Variants in GRM7 observed in about 807,000 individuals in gnomAD.
The protein encoded by GRM7 is metabotropic glutamate receptor 7.
A neutral mutation model predicts 84.5 loss-of-function variants in GRM7; 35 were observed. The observed-to-expected ratio is 0.41, with a 90% CI of 0.32 to 0.55. The LOEUF (loss-of-function observed/expected upper bound fraction) is 0.55. GRM7 is among the 20% of genes least tolerant of loss of function. The probability of loss-of-function intolerance (pLI) is 0.19; values close to 1 mark genes in which losing one functional copy is unlikely to be tolerated. For missense variants in GRM7, 1,003 were observed against 1,194.6 expected, an observed-to-expected ratio of 0.84 and a Z score of 2.36; for synonymous variants, 487 against 455.1, an observed-to-expected ratio of 1.07 and a Z score of -0.89.
At chr3:7,335,943 T>A (rs188064886) in intron 4 of GRM7, among the ~76,000 whole-genome samples, 2 of 151,970 alleles carry the variant, frequency 1.3e-5, no homozygotes, top group East Asian at 3.9e-4. Context: ...TAGGACCAGA[T>A]GGATTCACAG....
intron 7 of GRM7, among the ~76,000 whole-genome samples, chr3:7,482,372 G>A (rs1234668481): frequency 6.6e-6 from 1 of 152,046 alleles, no homozygotes; most frequent in African/African-American, 2.4e-5. Context: ...CCTGAAGAAA[G>A]GTACCTACCT....
chr3:7,411,328 A>G (rs1186910211), intron 4 of GRM7, among the ~76,000 whole-genome samples: 1 of 152,188 alleles, frequency 6.6e-6, no homozygotes, highest in Non-Finnish European at 1.5e-5. Context: ...ATATTATAGA[A>G]ATATAAAAGG....
At chr3:7,175,143 T>C (rs1293363095) in intron 2 of GRM7, among the ~76,000 whole-genome samples, 2 of 152,208 alleles carry the variant, frequency 1.3e-5, no homozygotes, top group Non-Finnish European at 2.9e-5. Flanking sequence ...CAGTTTTGCT[T>C]TTGGAACATG....
intron 9 of GRM7, among the ~76,000 whole-genome samples, chr3:7,715,884 A>G (rs1045886842): frequency 6.6e-6 from 1 of 152,208 alleles, no homozygotes; most frequent in South Asian, 2.1e-4. Flanking sequence ...TACTGCAGGT[A>G]TTTGTCTCTT....
rs1430537300 is a variant in GRM7 at position 7,486,794 on chromosome 3, T to C, written c.1515+25072T>C. On this transcript the variant is annotated intron_variant, in intron 7 of 9. Coordinates refer to ENST00000357716, the MANE Select transcript of GRM7 (RefSeq NM_000844.4). This position sits in a 1 kb window ranked among gnomAD's most constrained non-coding sequence, Gnocchi z 5.5. ...CCAAAGAAACTAAGAAAATGGATGC[T>C]GGGAAGTGGAGTTGTTGCTATGCCT... is the stretch of plus-strand genomic sequence containing the variant. Among the ~76,000 whole-genome samples the C allele has an allele frequency of 6.6e-6, 1 of 152,148 alleles. No homozygotes were observed. The highest frequency in any genetic ancestry group is 1.5e-5 in the Non-Finnish European group (1 of 68,022).
chr3:7,064,278 C>G (rs1697543291), intron 1 of GRM7, among the ~76,000 whole-genome samples: 2 of 150,278 alleles, frequency 1.3e-5, no homozygotes, highest in Non-Finnish European at 3.0e-5. Flanking sequence ...TTGTATTATT[C>G]TTATGCCTTT....
chr3:6,936,207 A>T (rs1235906581), intron 1 of GRM7, among the ~76,000 whole-genome samples: 1 of 151,982 alleles, frequency 6.6e-6, no homozygotes, highest in Non-Finnish European at 1.5e-5. Flanking sequence ...AGTGCACACA[A>T]CTCCCATAGC....
Position 6,862,059 on chromosome 3 carries a change from G to T in GRM7, c.519+152G>T. 4.7e-6 allele frequency: 3 copies of T among 636,632 alleles called. No homozygotes were observed. The highest frequency in any genetic ancestry group is 8.1e-6 in the Non-Finnish European group (3 of 368,812). The allele number at this position is 636,632 out of a possible 1,614,324, so 39.4% of individuals were successfully genotyped here. A position where few individuals can be genotyped will look rare whatever the true frequency, so the allele number is the denominator to read the frequency against. On this transcript the variant is annotated intron_variant, in intron 1 of 9. Transcript: ENST00000357716. This position sits in a 1 kb window ranked among gnomAD's most constrained non-coding sequence, Gnocchi z 5.2. The stretch of plus-strand genomic sequence containing the variant: ...GCCGAATCCCTCCCACCCCGCTCGA[G>T]GAGATACCTTCCCTGCTTGGTTTAT...
At position 7,660,278 on chromosome 3, in the gene GRM7, G is replaced by A. The variant is rs1699381713; in HGVS notation, c.2452-19771G>A. Among the ~76,000 whole-genome samples the A allele has an allele frequency of 2.0e-5, 3 of 152,282 alleles. No individual in the cohort carries two copies. The South Asian group carries it at 6.2e-4, about 32-fold the overall frequency. On this transcript the variant is annotated intron_variant, in intron 8 of 9. Transcript: ENST00000357716. ...CCTAACAATTGGTGCCTCTTGACAG[G>A]AGATGCATTCACATGCCTATAGTAC...
At chr3:7,102,014 T>C (rs896922649) in intron 1 of GRM7, among the ~76,000 whole-genome samples, 5 of 151,526 alleles carry the variant, frequency 3.3e-5, no homozygotes, top group Non-Finnish European at 7.4e-5. Context: ...GTCACTATTT[T>C]ACATTTATGT....
intron 4 of GRM7, among the ~76,000 whole-genome samples, chr3:7,387,234 A>T (rs576039761): frequency 6.6e-6 from 1 of 152,254 alleles, no homozygotes; most frequent in South Asian, 2.1e-4. Context: ...CCCATTTTAT[A>T]GGTTGCCTGT....
intron 1 of GRM7, among the ~76,000 whole-genome samples, chr3:7,097,246 T>C (rs571048238): frequency 6.6e-6 from 1 of 152,072 alleles, no homozygotes; most frequent in African/African-American, 2.4e-5. Flanking sequence ...GTGAATATTG[T>C]GCCTACACAT....
intron 8 of GRM7, among the ~76,000 whole-genome samples, chr3:7,615,386 A>G (rs1259311460): frequency 6.6e-6 from 1 of 152,056 alleles, no homozygotes. Context: ...TTACAGTTCC[A>G]TACATTTCTG....
chr3:7,139,644 T>C (rs1033494806), intron 1 of GRM7, among the ~76,000 whole-genome samples: 1 of 151,972 alleles, frequency 6.6e-6, no homozygotes, highest in African/African-American at 2.4e-5. Context: ...AACAGGATTC[T>C]AGATCAATGT....
chr3:7,518,574 A>T lies in GRM7; in HGVS notation c.1515+56852A>T, dbSNP rs994474. On this transcript the variant is annotated intron_variant, in intron 7 of 9. Transcript: ENST00000357716. The stretch of plus-strand genomic sequence containing the variant: ...TTCACTGATATTAAAATGCTTTTTT[A>T]AAAAACCCTCTAAACTGGCTGGGTT... Among the ~76,000 whole-genome samples, 1,368 of 152,238 alleles carry T rather than the reference A, an allele frequency of 9.0e-3. 21 individuals carry two copies. Among genetic ancestry groups the T allele is most frequent in the African/African-American group, 0.031 (1,269 of 41,552 alleles).
intron 1 of GRM7, among the ~76,000 whole-genome samples, chr3:6,994,320 A>G (rs1209555065): frequency 6.6e-6 from 1 of 152,154 alleles, no homozygotes; most frequent in Admixed American, 6.5e-5. Flanking sequence ...GTGACATGGG[A>G]AGGAATGTGG....
chr3:7,365,125 C>T (rs557501017), intron 4 of GRM7, among the ~76,000 whole-genome samples: 2 of 151,846 alleles, frequency 1.3e-5, no homozygotes, highest in South Asian at 2.1e-4. Flanking sequence ...TTTTCTGTTG[C>T]CAATACTTGA....
chr3:7,627,367 A>G (rs145760568), intron 8 of GRM7, among the ~76,000 whole-genome samples: 111 of 152,312 alleles, frequency 7.3e-4, no homozygotes, highest in African/African-American at 2.5e-3. Context: ...AACAGAGATC[A>G]TGTCCCCTGT....
At position 6,981,723 on chromosome 3, in the gene GRM7, C is replaced by T. The variant is rs577549327; in HGVS notation, c.519+119816C>T. On this transcript the variant is annotated intron_variant, in intron 1 of 9. Coordinates refer to ENST00000357716, the MANE Select transcript of GRM7 (RefSeq NM_000844.4). ...TCAACATTATTAATGATCAGAGAAA[C>T]GCAAATCAAAATCATAATGAGATAC... Among the ~76,000 whole-genome samples the T allele has an allele frequency of 1.4e-4, 22 of 151,950 alleles. No individual in the cohort carries two copies. In the South Asian group the frequency reaches 1.9e-3, roughly 13 times the overall value.
Sources: allele counts gnomAD v4.1 joint callset (sites outside exome capture counted in the v4.1 genomes callset), GRCh38; gene constraint gnomAD v4.1.1; non-coding constraint Gnocchi (gnomAD v3.1); transcripts MANE v1.5; gene names NCBI Gene and HGNC (gene_info 2026-07-23, HGNC 2026-07-21).